Variants in NCALD observed in about 807,000 individuals in gnomAD.
NCALD encodes the protein neurocalcin-delta.
Under a neutral mutation model 18.6 loss-of-function variants are expected in NCALD, and 10 were observed. The ratio of observed to expected loss-of-function variants is 0.54; its 90% CI spans 0.33 to 0.91. The LOEUF is 0.91. Among genes scored for constraint, NCALD ranks in the 40% least tolerant of loss-of-function variants. The pLI, the probability that NCALD is intolerant of heterozygous loss-of-function variation, is 0.03. For missense variants in NCALD, 184 were observed against 247.6 expected, an observed-to-expected ratio of 0.74 and a Z score of 1.72; for synonymous variants, 88 against 87.4, an observed-to-expected ratio of 1.01 and a Z score of -0.04.
chr8:102,099,610 G>A (rs1389000469), intron 1 of NCALD, among the ~76,000 whole-genome samples: 2 of 148,648 alleles, frequency 1.3e-5, no homozygotes, highest in African/African-American at 2.5e-5. Flanking sequence ...TGACATTTAG[G>A]TTGATGTTGT....
At chr8:101,830,196 T>C (rs1563807971) in intron 4 of NCALD, among the ~76,000 whole-genome samples, 2 of 152,180 alleles carry the variant, frequency 1.3e-5, no homozygotes, top group African/African-American at 4.8e-5. Context: ...GCTTATAAGA[T>C]ACAATTGATA....
At chr8:102,021,662 C>G (rs1413748687) in intron 1 of NCALD, among the ~76,000 whole-genome samples, 3 of 152,198 alleles carry the variant, frequency 2.0e-5, no homozygotes, top group Admixed American at 2.0e-4. Context: ...GAGACACTTT[C>G]TGACCTTCCA....
chr8:101,794,023 G>A (rs1812544005), upstream of NCALD, among the ~76,000 whole-genome samples: 1 of 152,126 alleles, frequency 6.6e-6, no homozygotes, highest in Admixed American at 6.5e-5. Context: ...TAGAGCTACT[G>A]GGTTCAAATT....
chr8:101,884,413 T>G (rs1446512775), intron 4 of NCALD, among the ~76,000 whole-genome samples: 1 of 152,230 alleles, frequency 6.6e-6, no homozygotes, highest in Non-Finnish European at 1.5e-5. Context: ...ACACAGTGCC[T>G]GTCACATAGC....
intron 4 of NCALD, among the ~76,000 whole-genome samples, chr8:101,834,900 G>T (rs2155940): frequency 0.38 from 57,911 of 152,022 alleles, 13,695 homozygotes; most frequent in African/African-American, 0.67. Context: ...TGGCTTCAGG[G>T]TAGGGCACAG....
At chr8:101,804,582 TTATATAATATA>T (rs1813018420) in intron 4 of NCALD, among the ~76,000 whole-genome samples, 1 of 130,096 alleles carries the variant, frequency 7.7e-6, no homozygotes, top group Non-Finnish European at 1.5e-5. Context: ...ATATAATTAA[TTATATAATATA>T]TAATTAATAT....
chr8:101,687,979 T>G lies in NCALD; in HGVS notation c.*1330A>C, dbSNP rs1488825469. 1 of 152,258 alleles carries G rather than the reference T, an allele frequency of 6.6e-6. No homozygotes were observed. The highest frequency in any genetic ancestry group is 6.5e-5 in the Admixed American group (1 of 15,280). 9.4% of individuals were successfully genotyped at this position (152,258 alleles called of 1,614,324 possible). A position where few individuals can be genotyped will look rare whatever the true frequency, so the allele number is the denominator to read the frequency against. ...ACAGACACACTTGCCCATGTCTTTA[T>G]GATGAATTTGATGACTGCCCAACCT... On this transcript the variant is annotated 3_prime_UTR_variant, in exon 4 of 4. Coordinates refer to ENST00000220931, the MANE Select transcript of NCALD (RefSeq NM_032041.3).
chr8:102,115,108 C>CT (rs139367689), intron 1 of NCALD, among the ~76,000 whole-genome samples: 2,168 of 152,342 alleles, frequency 0.014, 72 homozygotes, highest in African/African-American at 0.049. Flanking sequence ...AGTTCCCACA[C>CT]TTTCATTTTG....
At chr8:101,813,870 A>G (rs1813400421) in intron 4 of NCALD, among the ~76,000 whole-genome samples, 1 of 152,068 alleles carries the variant, frequency 6.6e-6, no homozygotes, top group Non-Finnish European at 1.5e-5. Context: ...CCTTCCCCAC[A>G]TGTCAGATGC....
At chr8:102,090,017 T>A (rs1381302863) in intron 1 of NCALD, among the ~76,000 whole-genome samples, 6 of 152,184 alleles carry the variant, frequency 3.9e-5, no homozygotes, top group African/African-American at 1.2e-4. Context: ...TTGGATAGAT[T>A]TGTCTATAAG....
chr8:101,830,881 T>C, intron 4 of NCALD, among the ~76,000 whole-genome samples: 1 of 151,974 alleles, frequency 6.6e-6, no homozygotes, highest in South Asian at 2.1e-4. Flanking sequence ...GCTTGTCCAT[T>C]CTGTCAGAGT....
intron 4 of NCALD, among the ~76,000 whole-genome samples, chr8:101,837,381 C>T (rs888066707): frequency 1.3e-5 from 2 of 152,184 alleles, no homozygotes; most frequent in Non-Finnish European, 2.9e-5. Flanking sequence ...ACAAAGACCA[C>T]ATAGGCATAA....
chr8:102,006,888 G>C (rs1224955416), intron 2 of NCALD, among the ~76,000 whole-genome samples: 1 of 152,180 alleles, frequency 6.6e-6, no homozygotes, highest in Non-Finnish European at 1.5e-5. Flanking sequence ...TATGTGTCCT[G>C]CTGGGTCCCT....
intron 1 of NCALD, among the ~76,000 whole-genome samples, chr8:101,756,340 C>CTG (rs1339643615): frequency 2.0e-5 from 3 of 152,188 alleles, no homozygotes; most frequent in Admixed American, 6.5e-5. Flanking sequence ...CAAGATGTCA[C>CTG]TGTATAGGTA....
At chr8:101,708,977 C>CT (rs58486306) in intron 2 of NCALD, among the ~76,000 whole-genome samples, 3,938 of 152,252 alleles carry the variant, frequency 0.026, 135 homozygotes, top group African/African-American at 0.078. Context: ...GATGGCTACT[C>CT]TTTTTAAAAA....
chr8:101,818,310 G>A (rs1813582179), intron 4 of NCALD, among the ~76,000 whole-genome samples: 1 of 151,978 alleles, frequency 6.6e-6, no homozygotes, highest in Non-Finnish European at 1.5e-5. Flanking sequence ...TTTGCAATTG[G>A]CACTGCACTG....
intron 3 of NCALD, among the ~76,000 whole-genome samples, chr8:101,898,717 T>C (rs1817304234): frequency 1.3e-5 from 2 of 152,140 alleles, no homozygotes; most frequent in Non-Finnish European, 2.9e-5. Context: ...GTGACTGTTT[T>C]CAAGTTCTCT....
At chr8:101,953,287 C>G (rs1358998729) in intron 2 of NCALD, among the ~76,000 whole-genome samples, 1 of 152,192 alleles carries the variant, frequency 6.6e-6, no homozygotes, top group African/African-American at 2.4e-5. Flanking sequence ...TGCTTCCCAA[C>G]TTAAAGAATA....
chr8:102,045,886 C>A (rs1823222412), intron 1 of NCALD, among the ~76,000 whole-genome samples: 1 of 152,132 alleles, frequency 6.6e-6, no homozygotes, highest in Non-Finnish European at 1.5e-5. Context: ...TTCTGCCAAC[C>A]ATTTCTAAAA....
Sources: allele counts gnomAD v4.1 joint callset (sites outside exome capture counted in the v4.1 genomes callset), GRCh38; gene constraint gnomAD v4.1.1; transcripts MANE v1.5; gene names NCBI Gene and HGNC (gene_info 2026-07-23, HGNC 2026-07-21).